Variants in VARS2 observed in about 807,000 individuals in gnomAD.
VARS2 encodes valyl-tRNA synthetase 2, mitochondrial, also known as valine--tRNA ligase, mitochondrial.
In VARS2, 105 loss-of-function variants were observed where a neutral mutation model predicts 154.1. The observed-to-expected ratio is 0.68, with a 90% CI of 0.58 to 0.80. The LOEUF (loss-of-function observed/expected upper bound fraction) is 0.80, where lower values mean the gene tolerates loss of function less well. VARS2 is among the 30% of genes least tolerant of loss of function. The pLI, the probability that VARS2 is intolerant of heterozygous loss-of-function variation, is 0.00. For synonymous variants in VARS2, 483 were observed against 539.5 expected (o/e 0.90, Z 1.45); for missense variants, 1,157 against 1,361.4 (o/e 0.85, Z 2.36).
chr6:30,917,782 G>A lies in VARS2; in HGVS notation c.961G>A (p.Ala321Thr). The change falls in exon 10 of 30, where the codon GCC becomes ACC. Residue 321 changes from alanine to threonine, a missense_variant. Ala to Thr is a moderately conservative substitution (Grantham distance 58, BLOSUM62 0). Transcript: ENST00000676266. The surrounding 1 kb of genome is among the most constrained non-coding windows in gnomAD (Gnocchi z 4.4). ...GTCTTTTGGCCTCCTATTTTCTGTT[G>A]CCTTCCCCGTGGATGGAGAGCCTGG... ...PVSFGLLFSV[A>T]FPVDGEPDAE... 1.3e-6 allele frequency: 2 copies of A among 1,559,836 alleles called. No individual in the cohort carries two copies. The highest frequency in any genetic ancestry group is 1.7e-6 in the Non-Finnish European group (2 of 1,151,338).
intron 25 of VARS2, chr6:30,923,754 C>T (rs1794679706): frequency 9.0e-6 from 5 of 556,112 alleles, no homozygotes; most frequent in South Asian, 2.9e-5. Flanking sequence ...TCTGACAAGT[C>T]GGTGTCAGAA....
At position 30,917,775 on chromosome 6, in the gene VARS2, TTC is replaced by T; in HGVS notation, c.956_957del (p.Ser319CysfsTer10). ...CCCCCGTGTCTTTTGGCCTCCTATT[TTC>T]TGTTGCCTTCCCCGTGGATGGAGAG... is the stretch of plus-strand genomic sequence containing the variant. ...PTPVSFGLLF[S>X]VAFPVDGEPD... On this transcript the variant is annotated frameshift_variant, in exon 10 of 30. Transcript: ENST00000676266. LOFTEE classifies it high-confidence loss of function. This position sits in a 1 kb window ranked among gnomAD's most constrained non-coding sequence, Gnocchi z 4.4. 6.4e-7 allele frequency: 1 copy of T among 1,561,420 alleles called. No homozygotes were observed. The highest frequency in any genetic ancestry group is 8.7e-7 in the Non-Finnish European group (1 of 1,152,164).
chr6:30,924,025 T>TGC (rs1794694858), intron 25 of VARS2: 1 of 469,504 alleles, frequency 2.1e-6, no homozygotes, highest in Non-Finnish European at 3.8e-6. Context: ...GTGGTGCTGC[T>TGC]GCTGCTGGCT....
rs781632502 is a variant in VARS2, at chr6:30,922,664, G to A, written c.2038-42G>A. 3.8e-6 allele frequency: 6 copies of A among 1,597,590 alleles called. No homozygotes were observed. In the Admixed American group the frequency reaches 8.5e-5, roughly 23 times the overall value. ...GCAGGTGTGACCCTTATAGAGGCAG[G>A]GCCTTCGACCTGGGTCGTGAATTGC... On this transcript the variant is annotated intron_variant, in intron 21 of 29. Coordinates refer to ENST00000676266, the MANE Select transcript of VARS2 (RefSeq NM_020442.6).
At chr6:30,923,970 G>A (rs1794692183) in intron 25 of VARS2, 1 of 366,826 alleles carries the variant, frequency 2.7e-6, no homozygotes, top group Non-Finnish European at 5.0e-6. Context: ...TTAGCAGGTT[G>A]GGGTGGGGGT....
chr6:30,925,591 T>C lies in VARS2; in HGVS notation c.2833T>C (p.Phe945Leu), dbSNP rs1426870999. 1 of 1,609,766 alleles carries C rather than the reference T, an allele frequency of 6.2e-7. No homozygotes were observed. Among genetic ancestry groups the C allele is most frequent in the East Asian group, 2.2e-5 (1 of 44,872 alleles). Residue 945 changes from phenylalanine (F) to leucine (L), a missense_variant, in exon 28 of 30, where the codon TTC becomes CTC. By Grantham distance (22) the Phe-to-Leu change is conservative. Coordinates refer to ENST00000676266, the MANE Select transcript of VARS2 (RefSeq NM_020442.6). ...EPGDQGLFEAFLEPLGTLGYC... is the reference protein window; with the variant it reads ...EPGDQGLFEALLEPLGTLGYC... The stretch of plus-strand genomic sequence containing the variant: ...TGGGGACCAGGGCCTCTTCGAGGCC[T>C]TCTTGGAGCCCCTGGGCACCCTGGG...
At chr6:30,914,375 G>A (rs2150546393) in intron 1 of VARS2, 31 bp downstream of exon 1, 2 of 1,251,966 alleles carry the variant, frequency 1.6e-6, no homozygotes, top group Non-Finnish European at 2.0e-6. Flanking sequence ...CCTCCGGGAA[G>A]TGGGAGACGC....
chr6:30,919,048 G>A lies in VARS2; in HGVS notation c.1074+133G>A. 1.3e-6 allele frequency: 1 copy of A among 779,316 alleles called. No homozygotes were observed. Among genetic ancestry groups the A allele is most frequent in the Non-Finnish European group, 2.1e-6 (1 of 476,150 alleles). The allele number at this position is 779,316 out of a possible 1,614,324, so 48.3% of individuals were successfully genotyped here. ...GAGACTTCTCTCAGTGGTTCTGATT[G>A]GACTCCCTCCTCCTCTTATAGTTTT... On this transcript the variant is annotated intron_variant, in intron 11 of 29. Coordinates refer to ENST00000676266, the MANE Select transcript of VARS2 (RefSeq NM_020442.6). The surrounding 1 kb of genome is among the most constrained non-coding windows in gnomAD (Gnocchi z 4.5).
chr6:30,914,807 C>T lies in VARS2; in HGVS notation c.-27-3C>T, dbSNP rs1794040620. ...TAATGTGCTCTCTCTCTATCCAGAA[C>T]AGATCTCGGCCCCTTTCCAAACACT... On this transcript the variant is annotated splice_polypyrimidine_tract_variant and splice_region_variant and intron_variant, in intron 1 of 29. Transcript: ENST00000676266. 6.2e-7 allele frequency: 1 copy of T among 1,612,614 alleles called. No individual in the cohort carries two copies. Among genetic ancestry groups the T allele is most frequent in the Non-Finnish European group, 8.5e-7 (1 of 1,179,820 alleles).
Position 30,925,624 on chromosome 6 carries a change from G to A in VARS2, c.2866G>A (p.Gly956Arg). ...GCCCCTGGGCACCCTGGGCTACTGT[G>A]GGGCTGTGGGCCTGTTACCCCCAGG... ...LEPLGTLGYC[G>R]AVGLLPPGAA... The change falls in exon 28 of 30, where the codon GGG becomes AGG. Residue 956 changes from glycine to arginine, a missense_variant. Coordinates refer to ENST00000676266, the MANE Select transcript of VARS2 (RefSeq NM_020442.6). The A allele has an allele frequency of 6.2e-7, 1 of 1,611,380 alleles. No individual in the cohort carries two copies. Among genetic ancestry groups the A allele is most frequent in the Non-Finnish European group, 8.5e-7 (1 of 1,179,856 alleles).
chr6:30,917,697 G>T lies in VARS2; in HGVS notation c.876G>T (p.Val292=). ...ALRSAISDIE[V]ENRPLPGHTQ... ...CCCAGCTTTCTCGGTGCCTCCAGGT[G>T]GAGAACCGGCCCCTGCCTGGCCACA... The change falls in exon 10 of 30, where the codon GTG becomes GTT. Residue 292 remains valine, a splice_region_variant and synonymous_variant. Coordinates refer to ENST00000676266, the MANE Select transcript of VARS2 (RefSeq NM_020442.6). This position sits in a 1 kb window ranked among gnomAD's most constrained non-coding sequence, Gnocchi z 4.4. 1 of 1,555,994 alleles carries T rather than the reference G, an allele frequency of 6.4e-7. No individual in the cohort carries two copies.
chr6:30,917,905 C>T lies in VARS2; in HGVS notation c.985+99C>T. 5 of 1,260,260 alleles carry T rather than the reference C, an allele frequency of 4.0e-6. No individual in the cohort carries two copies. Among genetic ancestry groups the T allele is most frequent in the Non-Finnish European group, 4.5e-6 (4 of 890,108 alleles). 78.1% of individuals were successfully genotyped at this position (1,260,260 alleles called of 1,614,324 possible). ...TAGGAACCCATCAGTCCATCTCTCA[C>T]ATGTACCTTGGTAGTGTTCACCTCA... is the stretch of plus-strand genomic sequence containing the variant. On this transcript the variant is annotated intron_variant, in intron 10 of 29. Coordinates refer to ENST00000676266, the MANE Select transcript of VARS2 (RefSeq NM_020442.6). This position sits in a 1 kb window ranked among gnomAD's most constrained non-coding sequence, Gnocchi z 4.4.
In VARS2 at chr6:30,923,178, C is replaced by A; in HGVS notation, c.2260C>A (p.Arg754Ser). ...HFCNKIWNAL[R>S]FILNALGEKF... The stretch of plus-strand genomic sequence containing the variant: ...CTGCAACAAGATCTGGAATGCTCTT[C>A]GCTTTATCCTCAATGCTTTAGGGGA... Residue 754 changes from arginine (R) to serine (S), a missense_variant, in exon 24 of 30, where the codon CGC becomes AGC. Arg to Ser is a moderately radical substitution (Grantham distance 110). Coordinates refer to ENST00000676266, the MANE Select transcript of VARS2 (RefSeq NM_020442.6). 6.2e-7 allele frequency: 1 copy of A among 1,613,104 alleles called. No individual in the cohort carries two copies. The highest frequency in any genetic ancestry group is 8.5e-7 in the Non-Finnish European group (1 of 1,180,036).
Position 30,920,754 on chromosome 6 carries a change from G to T in VARS2, c.1479+5G>T. 1 of 1,584,472 alleles carries T rather than the reference G, an allele frequency of 6.3e-7. No individual in the cohort carries two copies. Among genetic ancestry groups the T allele is most frequent in the Non-Finnish European group, 8.6e-7 (1 of 1,166,164 alleles). On this transcript the variant is annotated splice_donor_5th_base_variant and intron_variant, in intron 15 of 29. Transcript: ENST00000676266. The surrounding 1 kb of genome is among the most constrained non-coding windows in gnomAD (Gnocchi z 4.6). ...ATGGGGGCCCGAGCTGCCAAGGTGA[G>T]GCTGCAGTGTAGGAAGGACTGGGGC...
intron 25 of VARS2, 23 bp downstream of exon 25, chr6:30,923,528 TG>T: frequency 1.3e-6 from 2 of 1,599,694 alleles, no homozygotes; most frequent in Non-Finnish European, 1.7e-6. Flanking sequence ...GGGGGAGGCT[TG>T]GTATTCCCAT....
Position 30,914,308 on chromosome 6 carries a change from G to T in VARS2, c.-64G>T. On this transcript the variant is annotated 5_prime_UTR_variant, in exon 1 of 30. Coordinates refer to ENST00000676266, the MANE Select transcript of VARS2 (RefSeq NM_020442.6). ...TTTGGTGGATTCCTCAGTCCCTGCC[G>T]CCGCGGGGCGCCCTGGGATAGCGGC... is the stretch of plus-strand genomic sequence containing the variant. 1 of 1,136,330 alleles carries T rather than the reference G, an allele frequency of 8.8e-7. No individual in the cohort carries two copies. Among genetic ancestry groups the T allele is most frequent in the Non-Finnish European group, 1.1e-6 (1 of 897,380 alleles). 70.4% of individuals were successfully genotyped at this position (1,136,330 alleles called of 1,614,324 possible).
chr6:30,925,410 C>A, intron 27 of VARS2, 25 bp downstream of exon 27: 1 of 1,592,956 alleles, frequency 6.3e-7, no homozygotes, highest in Non-Finnish European at 8.6e-7. Context: ...GTCCTGGGCT[C>A]GGATCCCTGC....
At chr6:30,923,313 G>C (rs774812935) in intron 24 of VARS2, 40 bp from the exon 25 acceptor site, 1 of 1,606,220 alleles carries the variant, frequency 6.2e-7, no homozygotes, top group South Asian at 1.1e-5. Flanking sequence ...AAGGAGGCAG[G>C]GGAGGGGGAG....
rs1562461320 is a variant in VARS2, at chr6:30,923,452, GTCACTCA to G, written c.2415_2421del (p.Thr806ProfsTer18). On this transcript the variant is annotated frameshift_variant, in exon 25 of 30. Transcript: ENST00000676266. LOFTEE classifies it high-confidence loss of function. ...CTTCCTCACCCGAGAGCTCTCGCTCGTCACTCATGCCCTGCACCACTTCTGGCTTCAC... is the reference window on the plus strand; with the variant it reads ...CTTCCTCACCCGAGAGCTCTCGCTCGTGCCCTGCACCACTTCTGGCTTCAC... 1 of 1,612,226 alleles carries G rather than the reference GTCACTCA, an allele frequency of 6.2e-7. No individual in the cohort carries two copies. Among genetic ancestry groups the G allele is most frequent in the South Asian group, 1.1e-5 (1 of 91,084 alleles).
Sources: allele counts gnomAD v4.1 joint callset, GRCh38; gene constraint gnomAD v4.1.1; non-coding constraint Gnocchi (gnomAD v3.1); transcripts MANE v1.5; gene names NCBI Gene and HGNC (gene_info 2026-07-23, HGNC 2026-07-21).